NPEPPS: variants seen among roughly 807,000 people sequenced by gnomAD.
NPEPPS encodes the protein aminopeptidase puromycin sensitive.
A neutral mutation model predicts 115.5 loss-of-function variants in NPEPPS; 14 were observed. That is an observed-to-expected ratio of 0.12 (90% CI 0.08 to 0.19). The LOEUF is 0.19. NPEPPS is among the 10% of genes least tolerant of loss of function. NPEPPS has a pLI of 1.00. For missense variants in NPEPPS, 523 were observed against 1,110.8 expected (o/e 0.47, Z 7.52); for synonymous variants, 285 against 390.6 (o/e 0.73, Z 3.19).
At chr17:47,591,264 G>A (rs1210689080) in intron 10 of NPEPPS, among the ~76,000 whole-genome samples, 8 of 151,962 alleles carry the variant, frequency 5.3e-5, no homozygotes, top group African/African-American at 1.5e-4. Flanking sequence ...CCAGCTACTC[G>A]GGAGGCTGAG....
chr17:47,606,340 A>G (rs529907319), intron 17 of NPEPPS, among the ~76,000 whole-genome samples: 1 of 152,252 alleles, frequency 6.6e-6, no homozygotes, highest in Admixed American at 6.5e-5. Context: ...AAGGTTTTAC[A>G]TATCATTATT....
chr17:47,539,692 A>G (rs1315184238), intron 1 of NPEPPS, among the ~76,000 whole-genome samples: 1 of 152,214 alleles, frequency 6.6e-6, no homozygotes, highest in African/African-American at 2.4e-5. Context: ...CAAACATCAC[A>G]TACCAATATT....
intron 3 of NPEPPS, among the ~76,000 whole-genome samples, chr17:47,578,722 G>T (rs1419904300): frequency 1.3e-5 from 2 of 151,650 alleles, no homozygotes; most frequent in East Asian, 3.9e-4. Flanking sequence ...TTTGTTTTAT[G>T]CCCTGTTGCT....
At chr17:47,590,646 T>A in intron 9 of NPEPPS, 71 bp from the exon 10 acceptor site, 40 of 1,500,304 alleles carry the variant, frequency 2.7e-5, no homozygotes, top group Non-Finnish European at 3.6e-5. Flanking sequence ...GGAAGGGACA[T>A]GTGAGTGTTT....
intron 14 of NPEPPS, among the ~76,000 whole-genome samples, chr17:47,600,275 T>A (rs1167962521): frequency 6.6e-6 from 1 of 151,100 alleles, no homozygotes; most frequent in Non-Finnish European, 1.5e-5. Context: ...CTCAAAAAAA[T>A]AAATAAATAA....
In NPEPPS at chr17:47,622,922, T is replaced by A. The variant is rs1401909835; in HGVS notation, c.*1002T>A. 2.2e-6 allele frequency: 1 copy of A among 456,022 alleles called. No homozygotes were observed. The allele number at this position is 456,022 out of a possible 1,614,324, so 28.2% of individuals were successfully genotyped here. Reference sequence around the variant, plus strand: ...TCATTTTATGCGTGCGAGAAGTCAGTGGTAACTGCTGCAGGGCTTAATACA... The same window carrying A: ...TCATTTTATGCGTGCGAGAAGTCAGAGGTAACTGCTGCAGGGCTTAATACA... On this transcript the variant is annotated 3_prime_UTR_variant, in exon 23 of 23. Coordinates refer to ENST00000322157, the MANE Select transcript of NPEPPS (RefSeq NM_006310.4).
chr17:47,590,064 C>T (rs1419266038), intron 9 of NPEPPS, among the ~76,000 whole-genome samples: 1 of 152,076 alleles, frequency 6.6e-6, no homozygotes, highest in African/African-American at 2.4e-5. Flanking sequence ...AATGCACTGG[C>T]TTACGCGTGT....
intron 3 of NPEPPS, among the ~76,000 whole-genome samples, chr17:47,577,715 T>C (rs1437746223): frequency 6.6e-6 from 1 of 152,194 alleles, no homozygotes; most frequent in Non-Finnish European, 1.5e-5. Flanking sequence ...GCACTTTCAT[T>C]AGTGGTGACT....
At chr17:47,570,388 C>T (rs1244247071) in intron 3 of NPEPPS, among the ~76,000 whole-genome samples, 2 of 152,216 alleles carry the variant, frequency 1.3e-5, no homozygotes, top group African/African-American at 2.4e-5. Context: ...TGCCACTGCA[C>T]TCCAGCCTGG....
chr17:47,540,717 C>CTGTGTG (rs894004320), intron 1 of NPEPPS, among the ~76,000 whole-genome samples: 1 of 152,012 alleles, frequency 6.6e-6, no homozygotes, highest in Admixed American at 6.6e-5. Flanking sequence ...ACAATTTAAC[C>CTGTGTG]TGTGTGTGTG....
chr17:47,607,880 T>G (rs1280652799), intron 17 of NPEPPS, among the ~76,000 whole-genome samples: 1 of 152,208 alleles, frequency 6.6e-6, no homozygotes, highest in East Asian at 1.9e-4. Flanking sequence ...AGTCTCGCTC[T>G]GTTGCCGAGG....
intron 2 of NPEPPS, among the ~76,000 whole-genome samples, chr17:47,546,434 A>C (rs1475370997): frequency 2.0e-5 from 3 of 152,230 alleles, no homozygotes; most frequent in Non-Finnish European, 4.4e-5. Flanking sequence ...TCAAAAAAAG[A>C]AAAAGAAAAA....
chr17:47,553,768 T>C (rs1429375905), intron 2 of NPEPPS, among the ~76,000 whole-genome samples: 2 of 152,042 alleles, frequency 1.3e-5, no homozygotes, highest in African/African-American at 4.8e-5. Context: ...TCTTTTTTTT[T>C]TTTTTGAGAC....
At chr17:47,608,453 CAAAAAAAA>C (rs36062497) in intron 17 of NPEPPS, among the ~76,000 whole-genome samples, 2 of 79,176 alleles carry the variant, frequency 2.5e-5, no homozygotes, top group African/African-American at 1.0e-4. Context: ...GACTCCGTCT[CAAAAAAAA>C]AAAAAAAAAA....
chr17:47,618,407 G>T lies in NPEPPS; in HGVS notation c.2353G>T (p.Ala785Ser). The change falls in exon 20 of 23, where the codon GCT becomes TCT. Residue 785 changes from alanine (A) to serine (S), a missense_variant. By Grantham distance (99) the Ala-to-Ser change is moderately conservative. Transcript: ENST00000322157. ...AAACCGAATCGAAAGAGTCCTTGGC[G>T]CTACTCTTTTGCCTGACCTGATTCA... The part of the protein sequence containing the change: ...EKNRIERVLG[A>S]TLLPDLIQKV... 6.2e-7 allele frequency: 1 copy of T among 1,613,796 alleles called. No individual in the cohort carries two copies. The highest frequency in any genetic ancestry group is 8.5e-7 in the Non-Finnish European group (1 of 1,179,824).
intron 3 of NPEPPS, among the ~76,000 whole-genome samples, chr17:47,572,195 G>A (rs962229260): frequency 3.1e-4 from 47 of 152,198 alleles, no homozygotes; most frequent in African/African-American, 1.1e-3. Context: ...CAGGAGGATT[G>A]CTTGAGCCCA....
chr17:47,554,562 A>G (rs1425785923), intron 2 of NPEPPS, among the ~76,000 whole-genome samples: 2 of 150,674 alleles, frequency 1.3e-5, no homozygotes, highest in Admixed American at 1.3e-4. Flanking sequence ...GTCTGGCTTT[A>G]TTGCTGAAGT....
chr17:47,588,231 G>T (rs920513036), intron 9 of NPEPPS, among the ~76,000 whole-genome samples: 1 of 152,074 alleles, frequency 6.6e-6, no homozygotes, highest in African/African-American at 2.4e-5. Context: ...TTTTATTTTG[G>T]ATGTTTAAAA....
chr17:47,605,498 G>T lies in NPEPPS; in HGVS notation c.2041G>T (p.Asp681Tyr), dbSNP rs1165267378. 3.7e-6 allele frequency: 6 copies of T among 1,603,188 alleles called. No individual in the cohort carries two copies. The highest frequency in any genetic ancestry group is 5.1e-6 in the Non-Finnish European group (6 of 1,174,314). ...TGAGGAAATCCAGGAGTTTGTGAAA[G>T]ATGTCTTTTCACCTATAGGGGAGAG... ...FYEEIQEFVK[D>Y]VFSPIGERLG... Residue 681 changes from aspartate to tyrosine, a missense_variant, in exon 17 of 23, where the codon GAT (aspartate) becomes TAT (tyrosine). Around this residue, in one of 4 missense-constraint regions of NPEPPS, gnomAD observed 372 missense variants for 542.6 expected, o/e 0.69. Coordinates refer to ENST00000322157, the MANE Select transcript of NPEPPS (RefSeq NM_006310.4).
Sources: gnomAD v4.1 joint callset for allele counts (sites outside exome capture counted in the v4.1 genomes callset) on GRCh38, gnomAD v4.1.1 for gene constraint, gnomAD v4.1.1 regional missense constraint, MANE v1.5 for transcripts, NCBI Gene and HGNC (gene_info 2026-07-23, HGNC 2026-07-21) for gene names.